Variants in MLIP observed in about 807,000 individuals in gnomAD.
The protein encoded by MLIP is muscular LMNA interacting protein.
Under a neutral mutation model 84.8 loss-of-function variants are expected in MLIP, and 79 were observed. The observed-to-expected ratio is 0.93, with a 90% CI of 0.78 to 1.12. The LOEUF (loss-of-function observed/expected upper bound fraction) is 1.12, where lower values mean the gene tolerates loss of function less well. MLIP is among the 50% of genes most tolerant of loss of function. The pLI is 0.00. For missense variants in MLIP, 1,257 were observed against 1,160.6 expected (o/e 1.08, Z -1.21); for synonymous variants, 504 against 463.0 (o/e 1.09, Z -1.14).
chr6:54,220,325 A>G (rs1032467787), intron 11 of MLIP, among the ~76,000 whole-genome samples: 1 of 152,206 alleles, frequency 6.6e-6, no homozygotes, highest in Non-Finnish European at 1.5e-5. Flanking sequence ...AATTTTCAGT[A>G]CTGTTTAAAG....
At chr6:54,119,969 G>A (rs993629348) in intron 1 of MLIP, among the ~76,000 whole-genome samples, 2 of 152,102 alleles carry the variant, frequency 1.3e-5, no homozygotes, top group Non-Finnish European at 2.9e-5. Flanking sequence ...TATTTCACCT[G>A]CTTCCTTCAG....
At chr6:54,258,093 G>A (rs1444838568) in intron 13 of MLIP, among the ~76,000 whole-genome samples, 1 of 151,948 alleles carries the variant, frequency 6.6e-6, no homozygotes, top group Non-Finnish European at 1.5e-5. Context: ...GTGGAAAATA[G>A]GAGAAAAAAA....
intron 1 of MLIP, among the ~76,000 whole-genome samples, chr6:54,100,274 T>C (rs1327569499): frequency 6.8e-6 from 1 of 147,354 alleles, no homozygotes; most frequent in African/African-American, 2.5e-5. Context: ...TTATTTTAAT[T>C]TGTGGACAAG....
intron 1 of MLIP, among the ~76,000 whole-genome samples, chr6:54,026,609 T>C (rs1763816352): frequency 6.6e-6 from 1 of 152,134 alleles, no homozygotes; most frequent in Non-Finnish European, 1.5e-5. Context: ...AGTCCTAATG[T>C]GCATAATGGC....
chr6:54,188,564 A>G (rs1009574481), intron 9 of MLIP, among the ~76,000 whole-genome samples: 2 of 152,168 alleles, frequency 1.3e-5, no homozygotes, highest in African/African-American at 4.8e-5. Flanking sequence ...TTACTAGGTG[A>G]CAGGAATATT....
chr6:54,252,314 C>G (rs1332952595), intron 12 of MLIP, among the ~76,000 whole-genome samples: 20 of 113,968 alleles, frequency 1.8e-4, no homozygotes, highest in African/African-American at 5.4e-4. Flanking sequence ...TATAATATAA[C>G]TATAATATAT....
chr6:54,038,376 T>C (rs899830983), intron 1 of MLIP, among the ~76,000 whole-genome samples: 1 of 151,934 alleles, frequency 6.6e-6, no homozygotes, highest in African/African-American at 2.4e-5. Context: ...TGTTTGTCTG[T>C]GACGAGGTTT....
chr6:54,092,920 C>A (rs919800294), intron 1 of MLIP, among the ~76,000 whole-genome samples: 3 of 152,140 alleles, frequency 2.0e-5, no homozygotes, highest in African/African-American at 7.2e-5. Flanking sequence ...GTAGCCCAGG[C>A]TGGAGTGGTG....
chr6:54,243,023 C>A (rs1425643001), intron 12 of MLIP, among the ~76,000 whole-genome samples: 1 of 152,092 alleles, frequency 6.6e-6, no homozygotes, highest in East Asian at 1.9e-4. Context: ...ACTGGAAAGC[C>A]AGCAGACAGA....
intron 1 of MLIP, among the ~76,000 whole-genome samples, chr6:54,092,790 T>C (rs625899): frequency 0.53 from 80,133 of 152,124 alleles, 24,728 homozygotes; most frequent in Non-Finnish European, 0.69. Flanking sequence ...ATAAGAATTA[T>C]AGTCCCATTG....
chr6:54,216,857 A>G, intron 11 of MLIP: 2 of 985,404 alleles, frequency 2.0e-6, no homozygotes, highest in Non-Finnish European at 1.2e-6. Context: ...CTTATTTCAT[A>G]GTAACATGAG....
rs567785632 is a variant in MLIP, at chr6:54,196,641, A to T, written c.2590-5464A>T. ...TGCATTGAATCAGTACCTCTTATAG[A>T]CTCCATATTGAATTATAGTCAGCAC... On this transcript the variant is annotated intron_variant, in intron 10 of 13. Coordinates refer to ENST00000502396, the MANE Select transcript of MLIP (RefSeq NM_001281747.2). 3.3e-5 allele frequency among the ~76,000 whole-genome samples: 5 copies of T among 151,882 alleles called. No individual in the cohort carries two copies. In the South Asian group the frequency reaches 6.2e-4, roughly 19 times the overall value.
At chr6:54,101,562 AT>A (rs1192729330) in intron 1 of MLIP, among the ~76,000 whole-genome samples, 20 of 152,148 alleles carry the variant, frequency 1.3e-4, no homozygotes, top group African/African-American at 4.8e-4. Context: ...TTTGAACCCA[AT>A]TCTGACTCTA....
intron 12 of MLIP, among the ~76,000 whole-genome samples, chr6:54,242,904 A>G (rs544726601): frequency 5.2e-4 from 79 of 152,228 alleles, no homozygotes; most frequent in East Asian, 1.2e-3. Context: ...TTCCAACATA[A>G]AGTCTAGGAA....
intron 1 of MLIP, among the ~76,000 whole-genome samples, chr6:54,036,468 C>A (rs1235282370): frequency 5.9e-5 from 9 of 151,788 alleles, no homozygotes; most frequent in African/African-American, 1.9e-4. Context: ...ATAAGTTTAC[C>A]CAAATATATT....
At position 54,255,859 on chromosome 6, in the gene MLIP, T is replaced by G. The variant is rs74951454; in HGVS notation, c.2923-1449T>G. ...GTTGGACGTTTGACATTGTACAAAC[T>G]GTGATGATTCATATAGATATTGTAC... is the stretch of plus-strand genomic sequence containing the variant. On this transcript the variant is annotated intron_variant, in intron 12 of 13. Coordinates refer to ENST00000502396, the MANE Select transcript of MLIP (RefSeq NM_001281747.2). Among the ~76,000 whole-genome samples the G allele has an allele frequency of 3.1e-4, 47 of 152,304 alleles. No individual in the cohort carries two copies. The East Asian group carries it at 5.4e-3, about 17-fold the overall frequency.
chr6:54,189,214 T>C (rs1281149547), intron 9 of MLIP, among the ~76,000 whole-genome samples: 1 of 152,196 alleles, frequency 6.6e-6, no homozygotes, highest in Non-Finnish European at 1.5e-5. Flanking sequence ...CCAACAATAC[T>C]GTATTATGCA....
chr6:54,136,774 T>C lies in MLIP; in HGVS notation c.705T>C (p.Phe235=), dbSNP rs1293543420. 1 of 1,520,702 alleles carries C rather than the reference T, an allele frequency of 6.6e-7. No individual in the cohort carries two copies. The highest frequency in any genetic ancestry group is 8.8e-7 in the Non-Finnish European group (1 of 1,134,418). 94.2% of individuals were successfully genotyped at this position (1,520,702 alleles called of 1,614,324 possible). A position where few individuals can be genotyped will look rare whatever the true frequency, so the allele number is the denominator to read the frequency against. Residue 235 remains phenylalanine, a synonymous_variant, in exon 4 of 14, where the codon TTT becomes TTC. Transcript: ENST00000502396. ...QLACKPPAFS[F]VSPTNPNTPP... is the part of the protein sequence containing the mutation. The stretch of plus-strand genomic sequence containing the variant: ...CCTGTAAACCACCTGCTTTCTCCTT[T>C]GTTTCTCCAACTAATCCGAACACAC...
intron 10 of MLIP, among the ~76,000 whole-genome samples, chr6:54,198,044 A>T (rs1405953342): frequency 6.6e-6 from 1 of 152,130 alleles, no homozygotes; most frequent in Non-Finnish European, 1.5e-5. Flanking sequence ...ACAGAAGACA[A>T]GGCCAAATGG....
Sources: gnomAD v4.1 joint callset for allele counts (sites outside exome capture counted in the v4.1 genomes callset) on GRCh38, gnomAD v4.1.1 for gene constraint, MANE v1.5 for transcripts, NCBI Gene and HGNC (gene_info 2026-07-23, HGNC 2026-07-21) for gene names.